The following DPP10 variants were observed in gnomAD, a reference collection of about 807,000 sequenced individuals.
DPP10 encodes the protein dipeptidyl peptidase like 10, also known as inactive dipeptidyl peptidase 10.
A neutral mutation model predicts 120.9 loss-of-function variants in DPP10; 33 were observed. The observed-to-expected ratio is 0.27, with a 90% CI of 0.21 to 0.37. The LOEUF is 0.37. DPP10 is among the 10% of genes least tolerant of loss of function. DPP10 has a pLI of 1.00. For missense variants in DPP10, 816 were observed against 942.8 expected, an observed-to-expected ratio of 0.87 and a Z score of 1.76; for synonymous variants, 337 against 326.1, an observed-to-expected ratio of 1.03 and a Z score of -0.36.
chr2:115,462,969 A>ATC (rs756682936), intron 3 of DPP10, among the ~76,000 whole-genome samples: 15 of 152,170 alleles, frequency 9.9e-5, no homozygotes, highest in Non-Finnish European at 2.1e-4. Flanking sequence ...AGCTCAGGCA[A>ATC]TCTGCTTGTC....
At chr2:115,774,246 A>G (rs1029779876) in intron 13 of DPP10, among the ~76,000 whole-genome samples, 1 of 151,052 alleles carries the variant, frequency 6.6e-6, no homozygotes, top group Non-Finnish European at 1.5e-5. Context: ...ACACACCAAA[A>G]TACTCTGAAA....
At chr2:115,764,338 G>GTA (rs1447020639) in intron 12 of DPP10, among the ~76,000 whole-genome samples, 4 of 151,796 alleles carry the variant, frequency 2.6e-5, no homozygotes, top group Non-Finnish European at 4.4e-5. Context: ...ATAAATGTTT[G>GTA]TATATATATT....
chr2:115,561,236 G>C (rs2080644345), intron 5 of DPP10, among the ~76,000 whole-genome samples: 1 of 151,778 alleles, frequency 6.6e-6, no homozygotes, highest in African/African-American at 2.4e-5. Flanking sequence ...GCACGCACCT[G>C]TAATCCCAGC....
intron 21 of DPP10, among the ~76,000 whole-genome samples, chr2:115,834,521 T>G (rs562327720): frequency 1.3e-5 from 2 of 151,960 alleles, no homozygotes; most frequent in Non-Finnish European, 2.9e-5. Context: ...TTTTTCAGCA[T>G]TACTGTAATT....
intron 3 of DPP10, among the ~76,000 whole-genome samples, chr2:115,494,180 T>C (rs1264833542): frequency 1.3e-5 from 2 of 152,120 alleles, no homozygotes; most frequent in Non-Finnish European, 2.9e-5. Flanking sequence ...GTTGACCTTG[T>C]GGTCCACCCA....
At chr2:114,847,738 T>G (rs182003217) in intron 1 of DPP10, among the ~76,000 whole-genome samples, 1 of 152,324 alleles carries the variant, frequency 6.6e-6, no homozygotes, top group East Asian at 1.9e-4. Context: ...AAAGTTATCT[T>G]CTTATATTTT....
chr2:114,585,478 A>G (rs1228527126), intron 1 of DPP10, among the ~76,000 whole-genome samples: 1 of 152,126 alleles, frequency 6.6e-6, no homozygotes, highest in African/African-American at 2.4e-5. Flanking sequence ...TTTTAATATC[A>G]TTTGCAAATC....
chr2:114,852,653 C>T (rs145378053), intron 1 of DPP10, among the ~76,000 whole-genome samples: 1 of 152,058 alleles, frequency 6.6e-6, no homozygotes, highest in African/African-American at 2.4e-5. Context: ...AACCAATCCT[C>T]TATGGATATC....
intron 1 of DPP10, among the ~76,000 whole-genome samples, chr2:114,809,775 G>A (rs1464393145): frequency 1.3e-5 from 2 of 152,076 alleles, no homozygotes; most frequent in African/African-American, 2.4e-5. Flanking sequence ...CTATTCAATG[G>A]ATCTGCAGCA....
intron 1 of DPP10, among the ~76,000 whole-genome samples, chr2:115,127,271 G>A (rs1182029509): frequency 2.0e-5 from 3 of 152,172 alleles, no homozygotes; most frequent in Non-Finnish European, 2.9e-5. Context: ...GTGTTAAAAT[G>A]ATTAATTCTT....
At chr2:115,477,798 C>CT (rs752837276) in intron 3 of DPP10, among the ~76,000 whole-genome samples, 90 of 152,132 alleles carry the variant, frequency 5.9e-4, no homozygotes, top group Non-Finnish European at 1.1e-3. Flanking sequence ...TGTGTTAGCC[C>CT]TTTTTTTGTG....
intron 24 of DPP10, among the ~76,000 whole-genome samples, chr2:115,840,318 GGTT>G (rs1689980019): frequency 3.1e-5 from 1 of 31,860 alleles, no homozygotes; most frequent in African/African-American, 9.8e-5. Context: ...AAGGTTTTTT[GGTT>G]TTTTTTTTTT....
chr2:114,773,920 T>C (rs918150042), intron 1 of DPP10, among the ~76,000 whole-genome samples: 1 of 152,024 alleles, frequency 6.6e-6, no homozygotes, highest in Non-Finnish European at 1.5e-5. Context: ...CAAATAGATA[T>C]CAAAAAGTAT....
chr2:114,998,044 G>C (rs1701209314), intron 1 of DPP10, among the ~76,000 whole-genome samples: 2 of 152,122 alleles, frequency 1.3e-5, no homozygotes, highest in South Asian at 2.1e-4. Flanking sequence ...GTCTGTAGTT[G>C]ATTGGCATCA....
At chr2:115,567,621 T>C (rs1575198227) in intron 5 of DPP10, among the ~76,000 whole-genome samples, 2 of 152,222 alleles carry the variant, frequency 1.3e-5, no homozygotes, top group South Asian at 4.1e-4. Flanking sequence ...AGCACTTCAA[T>C]TGCTTTCAAG....
At chr2:115,658,073 T>C (rs562374850) in intron 5 of DPP10, among the ~76,000 whole-genome samples, 3 of 152,152 alleles carry the variant, frequency 2.0e-5, no homozygotes, top group African/African-American at 7.2e-5. Flanking sequence ...TCAAGACATC[T>C]TGTATGAACT....
chr2:115,273,818 G>C (rs2059800994), intron 1 of DPP10, among the ~76,000 whole-genome samples: 1 of 152,182 alleles, frequency 6.6e-6, no homozygotes, highest in African/African-American at 2.4e-5. Flanking sequence ...ATTGAATTTG[G>C]AACGAGGCCA....
At chr2:115,595,838 C>T (rs1004176110) in intron 5 of DPP10, among the ~76,000 whole-genome samples, 1 of 152,012 alleles carries the variant, frequency 6.6e-6, no homozygotes, top group African/African-American at 2.4e-5. Flanking sequence ...TTAACAAAAA[C>T]CACATTTCCA....
At chr2:115,320,110 C>T (rs2061986620) in intron 2 of DPP10, among the ~76,000 whole-genome samples, 1 of 152,040 alleles carries the variant, frequency 6.6e-6, no homozygotes, top group Non-Finnish European at 1.5e-5. Flanking sequence ...TCTTTAATGA[C>T]CATTTTTCAA....
Sources: gnomAD v4.1 joint callset for allele counts (sites outside exome capture counted in the v4.1 genomes callset) on GRCh38, gnomAD v4.1.1 for gene constraint, MANE v1.5 for transcripts, NCBI Gene and HGNC (gene_info 2026-07-23, HGNC 2026-07-21) for gene names.